KCNIP4: variants seen among roughly 807,000 people sequenced by gnomAD.
KCNIP4 encodes the protein Kv channel-interacting protein 4.
A neutral mutation model predicts 34.0 loss-of-function variants in KCNIP4; 12 were observed. The observed-to-expected ratio is 0.35, with a 90% CI of 0.23 to 0.57. The LOEUF (loss-of-function observed/expected upper bound fraction) is 0.57, where lower values mean the gene tolerates loss of function less well. KCNIP4 is among the 20% of genes least tolerant of loss of function. The pLI is 0.83. For missense variants in KCNIP4, 238 were observed against 311.7 expected (o/e 0.76, Z 1.78); for synonymous variants, 124 against 102.2 (o/e 1.21, Z -1.29).
At chr4:21,325,733 G>A (rs752680598) in intron 1 of KCNIP4, among the ~76,000 whole-genome samples, 4 of 151,548 alleles carry the variant, frequency 2.6e-5, no homozygotes, top group Admixed American at 6.6e-5. Flanking sequence ...GGGCACTTAC[G>A]GCCATAAATT....
chr4:21,025,701 C>T (rs946952676), intron 1 of KCNIP4, among the ~76,000 whole-genome samples: 3 of 151,212 alleles, frequency 2.0e-5, no homozygotes, highest in Non-Finnish European at 4.4e-5. Context: ...CTACAGGCAC[C>T]CACCACCACG....
At chr4:21,373,430 G>A (rs1480036979) in intron 1 of KCNIP4, among the ~76,000 whole-genome samples, 2 of 147,510 alleles carry the variant, frequency 1.4e-5, no homozygotes, top group Non-Finnish European at 2.9e-5. Flanking sequence ...AACTAAAAAG[G>A]TCTGAGAGAC....
At chr4:21,836,067 G>A (rs537729494) in intron 1 of KCNIP4, among the ~76,000 whole-genome samples, 18 of 152,204 alleles carry the variant, frequency 1.2e-4, no homozygotes, top group African/African-American at 3.9e-4. Flanking sequence ...AACCTCTTTG[G>A]GTGGACTGGT....
chr4:21,320,299 G>A (rs567383299), intron 1 of KCNIP4, among the ~76,000 whole-genome samples: 2 of 152,286 alleles, frequency 1.3e-5, no homozygotes, highest in East Asian at 3.9e-4. Context: ...CTCTGTGATT[G>A]AATGGTTTAC....
chr4:21,439,756 C>T (rs564831500), intron 1 of KCNIP4, among the ~76,000 whole-genome samples: 70 of 97,694 alleles, frequency 7.2e-4, no homozygotes, highest in African/African-American at 2.8e-3. Context: ...CAATAGATAT[C>T]AAACTGGCTC....
intron 1 of KCNIP4, among the ~76,000 whole-genome samples, chr4:21,867,538 A>G (rs1370186948): frequency 6.6e-6 from 1 of 152,172 alleles, no homozygotes; most frequent in African/African-American, 2.4e-5. Flanking sequence ...AACAGATCAC[A>G]CTAGAGGTTA....
In KCNIP4 at chr4:21,281,869, G is replaced by A. The variant is rs114540090; in HGVS notation, c.62-399160C>T. The stretch of plus-strand genomic sequence containing the variant: ...AAATAGCCATGAGCTTTTCATCACC[G>A]GCTGCAAACCTGCAATTTTCTTGGT... On this transcript the variant is annotated intron_variant, in intron 1 of 8. Coordinates refer to ENST00000382152, the MANE Select transcript of KCNIP4 (RefSeq NM_025221.6). 3.7e-3 allele frequency among the ~76,000 whole-genome samples: 562 copies of A among 152,198 alleles called. 2 individuals carry two copies. Among genetic ancestry groups the A allele is most frequent in the African/African-American group, 0.012 (484 of 41,526 alleles).
chr4:21,420,843 G>A (rs2109625132), intron 1 of KCNIP4, among the ~76,000 whole-genome samples: 1 of 152,250 alleles, frequency 6.6e-6, no homozygotes, highest in Middle Eastern at 3.4e-3. Flanking sequence ...TCAACAGAGT[G>A]AGTGAAGAGA....
rs943941041 is a variant in KCNIP4, at chr4:21,578,956, G to A, written c.61+369615C>T. ...CAAATATCAGTAGAATGACAGACTC[G>A]GTCAATAAATAAACGCTACTACTCA... On this transcript the variant is annotated intron_variant, in intron 1 of 8. Coordinates refer to ENST00000382152, the MANE Select transcript of KCNIP4 (RefSeq NM_025221.6). Among the ~76,000 whole-genome samples, 16 of 152,140 alleles carry A rather than the reference G, an allele frequency of 1.1e-4. No individual in the cohort carries two copies. In the East Asian group the frequency reaches 1.9e-3, roughly 18 times the overall value.
chr4:21,677,273 T>C (rs1255644664), intron 1 of KCNIP4, among the ~76,000 whole-genome samples: 2 of 152,220 alleles, frequency 1.3e-5, no homozygotes, highest in Admixed American at 1.3e-4. Flanking sequence ...CTGATTCACT[T>C]GAAGAATTCT....
chr4:21,788,444 T>C lies in KCNIP4; in HGVS notation c.61+160127A>G, dbSNP rs1160346527. Among the ~76,000 whole-genome samples, 5 of 152,196 alleles carry C rather than the reference T, an allele frequency of 3.3e-5. No individual in the cohort carries two copies. The East Asian group carries it at 7.7e-4, about 23-fold the overall frequency. ...ACTTTAACTTCTATGCTATGAATTA[T>C]GAGGAATGCAAAGAAATCTCACCCC... On this transcript the variant is annotated intron_variant, in intron 1 of 8. Coordinates refer to ENST00000382152, the MANE Select transcript of KCNIP4 (RefSeq NM_025221.6).
At chr4:21,293,612 A>T (rs1763670660) in intron 1 of KCNIP4, among the ~76,000 whole-genome samples, 1 of 152,160 alleles carries the variant, frequency 6.6e-6, no homozygotes, top group African/African-American at 2.4e-5. Flanking sequence ...CCTCTGTCTT[A>T]TAGGATTGGA....
chr4:21,408,340 G>A (rs539807480), intron 1 of KCNIP4, among the ~76,000 whole-genome samples: 14 of 152,244 alleles, frequency 9.2e-5, no homozygotes, highest in Middle Eastern at 3.4e-3. Flanking sequence ...TGTTAATCAG[G>A]AGAATGTTCA....
intron 1 of KCNIP4, among the ~76,000 whole-genome samples, chr4:21,619,265 G>A (rs530260352): frequency 6.4e-4 from 97 of 152,066 alleles, no homozygotes; most frequent in Non-Finnish European, 1.1e-3. Context: ...AAACTAATGC[G>A]CTCCACATTT....
At chr4:21,259,252 C>G (rs1384270386) in intron 1 of KCNIP4, among the ~76,000 whole-genome samples, 1 of 152,174 alleles carries the variant, frequency 6.6e-6, no homozygotes, top group African/African-American at 2.4e-5. Flanking sequence ...GCATTACATC[C>G]GTGAATGCCT....
chr4:21,898,469 C>T (rs1402937339), intron 1 of KCNIP4, among the ~76,000 whole-genome samples: 1 of 152,100 alleles, frequency 6.6e-6, no homozygotes, highest in Non-Finnish European at 1.5e-5. Context: ...GACAGGGCAC[C>T]AGACAGAGTC....
chr4:21,262,765 C>T (rs1761553913), intron 1 of KCNIP4, among the ~76,000 whole-genome samples: 1 of 152,220 alleles, frequency 6.6e-6, no homozygotes, highest in Admixed American at 6.5e-5. Flanking sequence ...TACTCAATTA[C>T]TCTCCATCAG....
chr4:21,550,669 A>G (rs1367982975), intron 1 of KCNIP4, among the ~76,000 whole-genome samples: 1 of 152,076 alleles, frequency 6.6e-6, no homozygotes, highest in Non-Finnish European at 1.5e-5. Context: ...CATAAATTCC[A>G]AAGGAAAAAT....
intron 1 of KCNIP4, among the ~76,000 whole-genome samples, chr4:21,192,389 A>G (rs1177986949): frequency 1.3e-5 from 2 of 152,198 alleles, no homozygotes; most frequent in African/African-American, 4.8e-5. Flanking sequence ...ATTGATAGTA[A>G]TTTGTGAGCA....
Sources: allele counts gnomAD v4.1 joint callset (sites outside exome capture counted in the v4.1 genomes callset), GRCh38; gene constraint gnomAD v4.1.1; transcripts MANE v1.5; gene names NCBI Gene and HGNC (gene_info 2026-07-23, HGNC 2026-07-21).